PTK2: variants seen among roughly 807,000 people sequenced by gnomAD.
PTK2 encodes protein tyrosine kinase 2, also known as focal adhesion kinase 1.
In PTK2, 45 loss-of-function variants were observed where a neutral mutation model predicts 150.1. That is an observed-to-expected ratio of 0.30 (90% CI 0.24 to 0.38). PTK2 has a LOEUF of 0.38. PTK2 is among the 10% of genes least tolerant of loss of function. The probability of loss-of-function intolerance (pLI) is 1.00; values close to 1 mark genes in which losing one functional copy is unlikely to be tolerated. For synonymous variants in PTK2, 432 were observed against 449.2 expected (o/e 0.96, Z 0.48); for missense variants, 919 against 1,307.3 (o/e 0.70, Z 4.58).
At chr8:140,863,062 A>AT (rs965986727) in intron 5 of PTK2, among the ~76,000 whole-genome samples, 2 of 152,132 alleles carry the variant, frequency 1.3e-5, no homozygotes, top group African/African-American at 4.8e-5. Context: ...AACATCTATC[A>AT]TTATCTCACA....
At chr8:140,746,890 TTC>T (rs755544555) in intron 17 of PTK2, 30 bp from the exon 21 acceptor site, 21 of 1,404,294 alleles carry the variant, frequency 1.5e-5, no homozygotes, top group South Asian at 3.9e-5. Flanking sequence ...TAGTTATTCT[TTC>T]TTTTTTTTTT....
chr8:140,943,262 C>T (rs939867624), intron 1 of PTK2, among the ~76,000 whole-genome samples: 5 of 152,264 alleles, frequency 3.3e-5, no homozygotes, highest in South Asian at 2.1e-4. Context: ...TTCTCTCTTC[C>T]GCCCCAGGCA....
chr8:140,770,921 A>G (rs1294348619), intron 14 of PTK2, 122 bp from the exon 15 acceptor site: 1 of 299,820 alleles, frequency 3.3e-6, no homozygotes, highest in African/African-American at 2.2e-5. Flanking sequence ...CAATGCTTTT[A>G]TTTTGACTAT....
At chr8:140,837,727 TCAAA>T (rs1157765541) in intron 7 of PTK2, among the ~76,000 whole-genome samples, 3 of 151,146 alleles carry the variant, frequency 2.0e-5, no homozygotes, top group East Asian at 1.9e-4. Context: ...AGACTCTGTC[TCAAA>T]CAAACAAACA....
At chr8:140,884,669 T>C (rs2100151644) in intron 3 of PTK2, among the ~76,000 whole-genome samples, 1 of 152,022 alleles carries the variant, frequency 6.6e-6, no homozygotes, top group South Asian at 2.1e-4. Flanking sequence ...CCTGAAGAAT[T>C]CCCTTCCCCT....
At chr8:140,669,730 C>G in intron 29 of PTK2, 5 of 1,534,202 alleles carry the variant, frequency 3.3e-6, no homozygotes, top group Non-Finnish European at 4.4e-6. Context: ...TGCTTACCCT[C>G]CATGGCTATT....
In PTK2 at chr8:140,849,050, A is replaced by C. The variant is rs191241876; in HGVS notation, c.451-2372T>G. On this transcript the variant is annotated intron_variant, in intron 5 of 31. Transcript: ENST00000522684. ...AAATGAAAAAGGGGGAAATTATAAT[A>C]ATCTTCATTTAAAAAATCTCATTTA... Among the ~76,000 whole-genome samples the C allele has an allele frequency of 2.2e-3, 334 of 152,350 alleles. 7 individuals carry two copies. Among genetic ancestry groups the C allele is most frequent in the Non-Finnish European group, 7.2e-4 (49 of 68,036 alleles).
intron 26 of PTK2, among the ~76,000 whole-genome samples, chr8:140,697,855 T>G (rs1455801080): frequency 4.9e-5 from 2 of 40,448 alleles, no homozygotes; most frequent in African/African-American, 9.8e-5. Context: ...GTTTACTGTT[T>G]TTTTTTTTTT....
chr8:140,669,151 T>C (rs1199254502), intron 29 of PTK2: 1 of 151,944 alleles, frequency 6.6e-6, no homozygotes, highest in Non-Finnish European at 1.5e-5. Flanking sequence ...GATGTAACAA[T>C]GTCTACCTAG....
At chr8:140,803,282 G>A (rs539797642) in intron 11 of PTK2, among the ~76,000 whole-genome samples, 2 of 152,108 alleles carry the variant, frequency 1.3e-5, no homozygotes, top group African/African-American at 4.8e-5. Flanking sequence ...ACAGGTGTGG[G>A]CCACCGCGCC....
intron 1 of PTK2, among the ~76,000 whole-genome samples, chr8:140,929,479 G>T (rs1292304190): frequency 6.6e-6 from 1 of 152,110 alleles, no homozygotes; most frequent in Non-Finnish European, 1.5e-5. Context: ...CCTGTACAAG[G>T]TGGCTTTATG....
intron 27 of PTK2, among the ~76,000 whole-genome samples, chr8:140,683,572 C>T (rs919286036): frequency 2.6e-5 from 4 of 152,056 alleles, no homozygotes; most frequent in Admixed American, 6.6e-5. Flanking sequence ...GGCCAATATC[C>T]CTGATGAACA....
chr8:140,770,821 G>A (rs181505396), intron 14 of PTK2, 22 bp from the exon 15 acceptor site: 666 of 1,185,592 alleles, frequency 5.6e-4, no homozygotes, highest in South Asian at 2.0e-3. Flanking sequence ...GGCAAGAGGG[G>A]AAAGAGAAAA....
intron 20 of PTK2, among the ~76,000 whole-genome samples, chr8:140,739,391 G>C (rs2100054399): frequency 6.6e-6 from 1 of 152,084 alleles, no homozygotes; most frequent in Non-Finnish European, 1.5e-5. Context: ...GGGTTTAGGT[G>C]CAGGTATTAG....
intron 28 of PTK2, 119 bp downstream of exon 31, chr8:140,675,341 G>T: frequency 9.5e-7 from 1 of 1,048,334 alleles, no homozygotes; most frequent in African/African-American, 1.6e-5. Context: ...TACTTGCTGT[G>T]GTCTGTAGAG....
intron 4 of PTK2, among the ~76,000 whole-genome samples, chr8:140,868,027 T>A (rs1220632177): frequency 6.6e-6 from 1 of 152,230 alleles, no homozygotes; most frequent in Admixed American, 6.5e-5. Flanking sequence ...CTAAATACTA[T>A]GCCCCAAATA....
chr8:140,880,733 G>A (rs749490225), intron 3 of PTK2, among the ~76,000 whole-genome samples: 4 of 152,128 alleles, frequency 2.6e-5, no homozygotes, highest in Admixed American at 1.3e-4. Flanking sequence ...TCATGATAAA[G>A]GATATTATCC....
chr8:140,806,954 C>A (rs749266715), intron 10 of PTK2, among the ~76,000 whole-genome samples: 1 of 152,320 alleles, frequency 6.6e-6, no homozygotes, highest in South Asian at 2.1e-4. Context: ...CCCTTTAGCA[C>A]AATCCCATTA....
intron 1 of PTK2, among the ~76,000 whole-genome samples, chr8:140,947,203 A>G (rs1198594756): frequency 2.6e-5 from 4 of 152,042 alleles, no homozygotes; most frequent in Non-Finnish European, 4.4e-5. Context: ...ACTATCATCA[A>G]ATCTCCAACC....
Sources: allele counts gnomAD v4.1 joint callset (sites outside exome capture counted in the v4.1 genomes callset), GRCh38; gene constraint gnomAD v4.1.1; transcripts MANE v1.5; gene names NCBI Gene and HGNC (gene_info 2026-07-23, HGNC 2026-07-21).